OSBPL8: variants seen among roughly 807,000 people sequenced by gnomAD.
OSBPL8 encodes oxysterol-binding protein-related protein 8.
A neutral mutation model predicts 125.5 loss-of-function variants in OSBPL8; 59 were observed. That is an observed-to-expected ratio of 0.47 (90% CI 0.38 to 0.58). The LOEUF (loss-of-function observed/expected upper bound fraction) is 0.58. Among genes scored for constraint, OSBPL8 ranks in the 20% least tolerant of loss-of-function variants. OSBPL8 has a pLI of 0.00. For missense variants in OSBPL8, 758 were observed against 1,047.8 expected (o/e 0.72, Z 3.82); for synonymous variants, 330 against 338.9 (o/e 0.97, Z 0.29).
At chr12:76,368,662 C>T (rs1952508320) in intron 21 of OSBPL8, among the ~76,000 whole-genome samples, 1 of 152,026 alleles carries the variant, frequency 6.6e-6, no homozygotes, top group Non-Finnish European at 1.5e-5. Context: ...CTTATGCTTG[C>T]TTATATCTGC....
At position 76,450,740 on chromosome 12, in the gene OSBPL8, A is replaced by C. The variant is rs562696983; in HGVS notation, c.217+111T>G. On this transcript the variant is annotated intron_variant, in intron 4 of 23. Coordinates refer to ENST00000261183, the MANE Select transcript of OSBPL8 (RefSeq NM_020841.5). ...AACAAACAAAACCCCTTACAAAACCAAATAGTTAAAAAGAAAAAAAATATG... is the reference window on the plus strand; with the variant it reads ...AACAAACAAAACCCCTTACAAAACCCAATAGTTAAAAAGAAAAAAAATATG... 3.9e-3 allele frequency: 4,409 copies of C among 1,137,076 alleles called. 9 individuals carry two copies. The highest frequency in any genetic ancestry group is 4.8e-3 in the Non-Finnish European group (3,896 of 818,880). The allele number at this position is 1,137,076 out of a possible 1,614,324, so 70.4% of individuals were successfully genotyped here.
At chr12:76,470,687 T>C (rs1876030230) in intron 2 of OSBPL8, among the ~76,000 whole-genome samples, 2 of 152,118 alleles carry the variant, frequency 1.3e-5, no homozygotes, top group African/African-American at 4.8e-5. Context: ...CACTGATTAG[T>C]ATATCACACT....
intron 4 of OSBPL8, chr12:76,422,383 C>T: frequency 2.8e-6 from 1 of 356,656 alleles, no homozygotes; most frequent in South Asian, 2.2e-5. Context: ...GCAGCAGTTA[C>T]TGAAACCTAA....
intron 5 of OSBPL8, among the ~76,000 whole-genome samples, chr12:76,406,959 T>C (rs73383554): frequency 0.033 from 5,000 of 152,228 alleles, 250 homozygotes; most frequent in African/African-American, 0.11. Flanking sequence ...GTGTAATTCA[T>C]TGTGTTAATC....
intron 13 of OSBPL8, 99 bp from the exon 14 acceptor site, chr12:76,386,365 C>G: frequency 1.4e-6 from 2 of 1,416,368 alleles, no homozygotes; most frequent in Non-Finnish European, 9.3e-7. Flanking sequence ...ATCTGGGAAC[C>G]GTCCTTATAA....
chr12:76,388,378 G>A (rs1056212350), intron 12 of OSBPL8, among the ~76,000 whole-genome samples: 1 of 152,166 alleles, frequency 6.6e-6, no homozygotes, highest in African/African-American at 2.4e-5. Flanking sequence ...GGTAGTGTAT[G>A]ATAGTCCCTG....
intron 1 of OSBPL8, chr12:76,537,936 A>G (rs1359533616): frequency 6.6e-6 from 1 of 152,218 alleles, no homozygotes; most frequent in East Asian, 1.9e-4. Context: ...AAATAAAATA[A>G]ATAAAGACAG....
chr12:76,362,866 T>C (rs1490829616), intron 21 of OSBPL8, among the ~76,000 whole-genome samples: 3 of 152,096 alleles, frequency 2.0e-5, no homozygotes, highest in Non-Finnish European at 4.4e-5. Context: ...TGTGCAAAAA[T>C]CACAAGCATT....
At chr12:76,475,853 A>G (rs1876739128) in intron 2 of OSBPL8, among the ~76,000 whole-genome samples, 1 of 152,250 alleles carries the variant, frequency 6.6e-6, no homozygotes, top group African/African-American at 2.4e-5. Context: ...AGCACAAAAC[A>G]TGATTTAATT....
At chr12:76,379,161 T>C (rs1490798082) in intron 15 of OSBPL8, among the ~76,000 whole-genome samples, 5 of 152,210 alleles carry the variant, frequency 3.3e-5, no homozygotes, top group African/African-American at 9.6e-5. Flanking sequence ...TTTCACTGTA[T>C]AGCCTAATTT....
In OSBPL8 at chr12:76,399,927, C is replaced by T. The variant is rs1262799970; in HGVS notation, c.414G>A (p.Glu138=). The change falls in exon 7 of 24, where the codon GAG becomes GAA. Residue 138 remains glutamate, a synonymous_variant. Coordinates refer to ENST00000261183, the MANE Select transcript of OSBPL8 (RefSeq NM_020841.5). ...YREEKKRATK[E]LLSTITDPSV... ...AAGGATCTGTGATTGTACTGAGCAG[C>T]TCCTTTGTGGCTCTTTTCTTTTCTT... The T allele has an allele frequency of 3.1e-6, 5 of 1,608,806 alleles. No individual in the cohort carries two copies. In the East Asian group the frequency reaches 8.9e-5, roughly 29 times the overall value.
chr12:76,437,168 A>G (rs74103451), intron 4 of OSBPL8, among the ~76,000 whole-genome samples: 55 of 152,348 alleles, frequency 3.6e-4, no homozygotes, highest in Middle Eastern at 3.4e-3. Context: ...AGAAGCATAA[A>G]AACAAAGGAT....
chr12:76,442,634 C>G (rs1236351418), intron 4 of OSBPL8, among the ~76,000 whole-genome samples: 1 of 152,154 alleles, frequency 6.6e-6, no homozygotes, highest in Admixed American at 6.5e-5. Context: ...GGTCTAACTA[C>G]AAGCCCTCTT....
At chr12:76,394,418 A>C (rs1953707694) in intron 9 of OSBPL8, among the ~76,000 whole-genome samples, 1 of 152,240 alleles carries the variant, frequency 6.6e-6, no homozygotes, top group Non-Finnish European at 1.5e-5. Flanking sequence ...ATGAAGAAGA[A>C]AACTCTGAAC....
chr12:76,540,779 C>T lies in OSBPL8; in HGVS notation c.-68+18618G>A, dbSNP rs184834190. Among the ~76,000 whole-genome samples the T allele has an allele frequency of 8.5e-3, 1,289 of 151,834 alleles. 18 individuals are homozygous for T. Among genetic ancestry groups the T allele is most frequent in the African/African-American group, 0.029 (1,204 of 41,420 alleles). On this transcript the variant is annotated intron_variant, in intron 1 of 23. Coordinates refer to ENST00000261183, the MANE Select transcript of OSBPL8 (RefSeq NM_020841.5). ...TCTCACACACACATACACATGCACA[C>T]AACTCCAAATATATTATTTGTAATT...
At chr12:76,537,637 G>A (rs1157148828) in intron 1 of OSBPL8, among the ~76,000 whole-genome samples, 1 of 152,120 alleles carries the variant, frequency 6.6e-6, no homozygotes, top group East Asian at 1.9e-4. Flanking sequence ...GGCCAGGCAC[G>A]GTGGCTCACA....
chr12:76,538,937 C>T (rs1223512444), intron 1 of OSBPL8, among the ~76,000 whole-genome samples: 2 of 149,068 alleles, frequency 1.3e-5, no homozygotes, highest in Non-Finnish European at 3.0e-5. Context: ...ACCAAGACTC[C>T]ATCTCAAAAA....
At chr12:76,372,707 T>G (rs1311296051) in intron 18 of OSBPL8, among the ~76,000 whole-genome samples, 1 of 152,198 alleles carries the variant, frequency 6.6e-6, no homozygotes, top group Admixed American at 6.6e-5. Context: ...CATGATTCTT[T>G]TTATTCATTT....
chr12:76,436,555 C>CA (rs2136624317), intron 4 of OSBPL8, among the ~76,000 whole-genome samples: 1 of 151,668 alleles, frequency 6.6e-6, no homozygotes, highest in South Asian at 2.1e-4. Flanking sequence ...TCACATTCTC[C>CA]ATCAATTCAT....
Sources: allele counts gnomAD v4.1 joint callset (sites outside exome capture counted in the v4.1 genomes callset), GRCh38; gene constraint gnomAD v4.1.1; transcripts MANE v1.5; gene names NCBI Gene and HGNC (gene_info 2026-07-23, HGNC 2026-07-21).